The following KIAA0319 variants were observed in gnomAD, a reference collection of about 807,000 sequenced individuals.
KIAA0319 encodes dyslexia-associated protein KIAA0319.
A neutral mutation model predicts 108.4 loss-of-function variants in KIAA0319; 83 were observed. The observed-to-expected ratio is 0.77, with a 90% CI of 0.64 to 0.92. The LOEUF is 0.92. Among genes scored for constraint, KIAA0319 ranks in the 40% least tolerant of loss-of-function variants. The pLI is 0.00. For missense variants in KIAA0319, 1,195 were observed against 1,322.4 expected, an observed-to-expected ratio of 0.90 and a Z score of 1.49; for synonymous variants, 484 against 510.4, an observed-to-expected ratio of 0.95 and a Z score of 0.70.
rs1769653943 is a variant in KIAA0319 at position 24,596,634 on chromosome 6, T to C, written c.56-16A>G. On this transcript the variant is annotated splice_polypyrimidine_tract_variant and intron_variant, in intron 2 of 20. Coordinates refer to ENST00000378214, the MANE Select transcript of KIAA0319 (RefSeq NM_014809.4). ...CGGGCACAACCTTTAAACAAAGTAG[T>C]TTCTAATGAGGGAGAGAGGCATATC... The C allele has an allele frequency of 6.3e-7, 1 of 1,577,486 alleles. No individual in the cohort carries two copies. Among genetic ancestry groups the C allele is most frequent in the African/African-American group, 1.3e-5 (1 of 74,506 alleles).
intron 1 of KIAA0319, 22 bp from the exon 2 acceptor site, chr6:24,601,230 G>A: frequency 6.5e-7 from 1 of 1,527,460 alleles, no homozygotes; most frequent in Non-Finnish European, 8.8e-7. Flanking sequence ...AAACATAAAA[G>A]AGGAAGGAAG....
chr6:24,629,504 G>C (rs1436242507), intron 1 of KIAA0319, among the ~76,000 whole-genome samples: 25 of 19,042 alleles, frequency 1.3e-3, no homozygotes, highest in Middle Eastern at 0.11. Context: ...AACAGAGTGA[G>C]ACTCTGTCTC....
intron 1 of KIAA0319, among the ~76,000 whole-genome samples, chr6:24,620,035 A>G (rs1316183182): frequency 6.6e-6 from 1 of 152,250 alleles, no homozygotes; most frequent in African/African-American, 2.4e-5. Flanking sequence ...TCCTTGGTCA[A>G]TAATATGCTA....
At chr6:24,614,620 T>C (rs1311450128) in intron 1 of KIAA0319, among the ~76,000 whole-genome samples, 1 of 152,164 alleles carries the variant, frequency 6.6e-6, no homozygotes, top group Non-Finnish European at 1.5e-5. Flanking sequence ...TCAGAAAGGC[T>C]AAGGTATCCA....
rs773081074 is a variant in KIAA0319, at chr6:24,570,053, G to C, written c.1859-18C>G. The C allele has an allele frequency of 6.2e-7, 1 of 1,610,694 alleles. No individual in the cohort carries two copies. The highest frequency in any genetic ancestry group is 8.5e-7 in the Non-Finnish European group (1 of 1,178,022). On this transcript the variant is annotated intron_variant, in intron 11 of 20. Transcript: ENST00000378214. ...ATTGTTTTCTGGAATTACAGAAACA[G>C]TGTGAAAAAGTATTATCTCTTTGCA...
chr6:24,570,956 C>T (rs964099027), intron 11 of KIAA0319, among the ~76,000 whole-genome samples: 2 of 152,030 alleles, frequency 1.3e-5, no homozygotes, highest in South Asian at 2.1e-4. Context: ...TTTGGGAGGC[C>T]GAGGCAGGGG....
At chr6:24,589,508 A>G (rs1768118451) in intron 3 of KIAA0319, among the ~76,000 whole-genome samples, 1 of 152,072 alleles carries the variant, frequency 6.6e-6, no homozygotes, top group Non-Finnish European at 1.5e-5. Flanking sequence ...TAACTGGATC[A>G]TGGGACGGTT....
intron 9 of KIAA0319, 22 bp downstream of exon 9, chr6:24,578,088 A>G (rs750140152): frequency 1.9e-6 from 3 of 1,596,168 alleles, no homozygotes; most frequent in South Asian, 1.1e-5. Context: ...AGGCAGCACA[A>G]TAAAGGCAGG....
intron 1 of KIAA0319, among the ~76,000 whole-genome samples, chr6:24,628,788 T>A (rs1402085048): frequency 6.6e-6 from 1 of 152,138 alleles, no homozygotes; most frequent in Non-Finnish European, 1.5e-5. Context: ...TGCAGCTGCA[T>A]CCCTCCAATC....
At chr6:24,575,720 G>A (rs1765381841) in intron 10 of KIAA0319, among the ~76,000 whole-genome samples, 1 of 151,914 alleles carries the variant, frequency 6.6e-6, no homozygotes, top group African/African-American at 2.4e-5. Flanking sequence ...AGGAGAAAAG[G>A]AAGATGGAAA....
At chr6:24,618,714 G>T (rs191483629) in intron 1 of KIAA0319, among the ~76,000 whole-genome samples, 3 of 151,408 alleles carry the variant, frequency 2.0e-5, no homozygotes, top group Admixed American at 6.6e-5. Context: ...AGAGTATTAG[G>T]TCCCAAAGAT....
intron 1 of KIAA0319, among the ~76,000 whole-genome samples, chr6:24,640,479 G>A (rs35558652): frequency 3.3e-5 from 5 of 152,118 alleles, no homozygotes; most frequent in Non-Finnish European, 7.3e-5. Flanking sequence ...AATAGGTGTG[G>A]GTTATGATGA....
intron 6 of KIAA0319, 64 bp downstream of exon 6, chr6:24,582,185 G>T (rs986772417): frequency 6.6e-6 from 6 of 903,288 alleles, no homozygotes; most frequent in Admixed American, 3.4e-5. Flanking sequence ...AGCTAAGAAG[G>T]TATTAACTGA....
At chr6:24,552,755 A>T (rs1051866509) in intron 19 of KIAA0319, among the ~76,000 whole-genome samples, 3 of 151,968 alleles carry the variant, frequency 2.0e-5, no homozygotes, top group African/African-American at 4.8e-5. Flanking sequence ...ACAGGCATGC[A>T]CCACCACGCC....
chr6:24,640,059 G>C (rs1401727793), intron 1 of KIAA0319, among the ~76,000 whole-genome samples: 2 of 151,884 alleles, frequency 1.3e-5, no homozygotes, highest in East Asian at 3.9e-4. Context: ...AGATTTTTGT[G>C]AGGAGAAAGG....
At chr6:24,624,962 G>A (rs1582293413) in intron 1 of KIAA0319, among the ~76,000 whole-genome samples, 1 of 152,230 alleles carries the variant, frequency 6.6e-6, no homozygotes, top group African/African-American at 2.4e-5. Context: ...CTACTCAGGA[G>A]GCTGAGGGAG....
At chr6:24,592,583 A>G (rs1262193641) in intron 3 of KIAA0319, among the ~76,000 whole-genome samples, 2 of 152,176 alleles carry the variant, frequency 1.3e-5, no homozygotes, top group South Asian at 4.1e-4. Context: ...ATGACTTCTT[A>G]TTATGCTATG....
At chr6:24,583,790 T>C (rs1208282580) in intron 4 of KIAA0319, 88 bp from the exon 5 acceptor site, 1 of 806,314 alleles carries the variant, frequency 1.2e-6, no homozygotes, top group East Asian at 2.7e-5. Flanking sequence ...TTGGTATCCA[T>C]AAATTAAAAT....
At chr6:24,628,407 C>T (rs768299854) in intron 1 of KIAA0319, among the ~76,000 whole-genome samples, 30 of 152,172 alleles carry the variant, frequency 2.0e-4, no homozygotes, top group Admixed American at 7.2e-4. Flanking sequence ...TCATGAGACA[C>T]ACTTGTAAGT....
Sources: allele counts gnomAD v4.1 joint callset (sites outside exome capture counted in the v4.1 genomes callset), GRCh38; gene constraint gnomAD v4.1.1; transcripts MANE v1.5; gene names NCBI Gene and HGNC (gene_info 2026-07-23, HGNC 2026-07-21).